Variants in VPS13C observed in about 807,000 individuals in gnomAD.
VPS13C encodes vacuolar protein sorting 13 homolog C, also known as intermembrane lipid transfer protein VPS13C.
A neutral mutation model predicts 456.8 loss-of-function variants in VPS13C; 358 were observed. The observed-to-expected ratio is 0.78, with a 90% CI of 0.72 to 0.86. The LOEUF (loss-of-function observed/expected upper bound fraction) is 0.86, where lower values mean the gene tolerates loss of function less well. Ranked by LOEUF, VPS13C falls within the 40% of genes least tolerant of loss-of-function variation. VPS13C has a pLI of 0.00. For synonymous variants in VPS13C, 1,578 were observed against 1,486.7 expected (o/e 1.06, Z -1.41); for missense variants, 4,818 against 4,385.4 (o/e 1.10, Z -2.79).
Position 61,854,551 on chromosome 15 carries a change from C to T in VPS13C, c.11168G>A (p.Cys3723Tyr). ...LKDTATAERA[C>Y]NAIEDAQSTR... is the part of the protein sequence containing the mutation. ...TGACTGTGCATCCTCAATGGCATTACATGCTCTCTGTAAAGTAAAATACTT... is the reference window on the plus strand; with the variant it reads ...TGACTGTGCATCCTCAATGGCATTATATGCTCTCTGTAAAGTAAAATACTT... Residue 3723 changes from cysteine to tyrosine, a missense_variant, in exon 85 of 85, where the codon TGT (cysteine) becomes TAT (tyrosine). By Grantham distance (194) the Cys-to-Tyr change is radical. This residue lies in a region of VPS13C where 261 missense variants were observed against 234.1 expected (regional missense o/e 1.11). Transcript: ENST00000644861. 6.2e-7 allele frequency: 1 copy of T among 1,613,998 alleles called. No homozygotes were observed. The highest frequency in any genetic ancestry group is 8.5e-7 in the Non-Finnish European group (1 of 1,179,884).
chr15:61,983,857 A>G lies in VPS13C; in HGVS notation c.1877T>C (p.Ile626Thr), dbSNP rs1219155285. Reference protein sequence around the residue: ...PEDSPADQTLIVQSQPVEVIY... With the variant: ...PEDSPADQTLTVQSQPVEVIY... ...GACCTCCACAGGCTGGGACTGAACA[A>G]TCAGAGTCTGGTCAGCAGGACTATC... Residue 626 changes from isoleucine to threonine, a missense_variant, in exon 20 of 85, where the codon ATT becomes ACT. Transcript: ENST00000644861. 1.9e-6 allele frequency: 3 copies of G among 1,614,148 alleles called. No homozygotes were observed. Among genetic ancestry groups the G allele is most frequent in the Non-Finnish European group, 2.5e-6 (3 of 1,179,998 alleles).
intron 50 of VPS13C, among the ~76,000 whole-genome samples, 165 bp from the exon 51 acceptor site, chr15:61,929,913 G>T (rs2043998851): frequency 6.6e-6 from 1 of 152,060 alleles, no homozygotes; most frequent in Non-Finnish European, 1.5e-5. Flanking sequence ...TAGTAAACAA[G>T]ACTACTAATC....
At chr15:61,972,591 G>T (rs111446948) in intron 27 of VPS13C, 34 bp downstream of exon 27, 1 of 1,603,572 alleles carries the variant, frequency 6.2e-7, no homozygotes, top group Non-Finnish European at 8.5e-7. Flanking sequence ...GTGACAGCCA[G>T]AATATATCTA....
chr15:62,028,463 T>G (rs1163455157), intron 5 of VPS13C, 43 bp from the exon 6 acceptor site: 1 of 1,572,846 alleles, frequency 6.4e-7, no homozygotes. Context: ...CAAAGCAATT[T>G]AAAGACACCT....
chr15:62,018,089 T>C (rs1441937132), intron 9 of VPS13C, among the ~76,000 whole-genome samples: 1 of 152,178 alleles, frequency 6.6e-6, no homozygotes, highest in Non-Finnish European at 1.5e-5. Context: ...TCTCCGTTTG[T>C]CTGTTATTGG....
In VPS13C at chr15:61,934,219, C is replaced by A; in HGVS notation, c.5868G>T (p.Gln1956His). The change falls in exon 49 of 85, where the codon CAG becomes CAT. Residue 1956 changes from glutamine (Q) to histidine (H), a missense_variant and splice_region_variant. Around this residue, in one of 3 missense-constraint regions of VPS13C, gnomAD observed 4,552 missense variants for 4,130.6 expected, o/e 1.10. Coordinates refer to ENST00000644861, the MANE Select transcript of VPS13C (RefSeq NM_020821.3). ...CTAATTACAGAAATGTATTACATACCTGGTTGATATCATTGTTATAAAGGA... is the reference window on the plus strand; with the variant it reads ...CTAATTACAGAAATGTATTACATACATGGTTGATATCATTGTTATAAAGGA... ...SIILYNNDIN[Q>H]ESGVAFHNDS... 1 of 1,554,294 alleles carries A rather than the reference C, an allele frequency of 6.4e-7. No individual in the cohort carries two copies. The highest frequency in any genetic ancestry group is 1.2e-5 in the South Asian group (1 of 81,944).
At chr15:61,994,457 G>A (rs934020285) in intron 16 of VPS13C, among the ~76,000 whole-genome samples, 1 of 152,176 alleles carries the variant, frequency 6.6e-6, no homozygotes, top group Admixed American at 6.5e-5. Flanking sequence ...GAATTTGCCT[G>A]TGAGAAAATA....
intron 23 of VPS13C, 63 bp from the exon 24 acceptor site, chr15:61,977,262 A>G: frequency 2.1e-6 from 2 of 965,020 alleles, no homozygotes; most frequent in Non-Finnish European, 2.9e-6. Context: ...ACATGGATAA[A>G]TATTATTTTT....
intron 27 of VPS13C, among the ~76,000 whole-genome samples, chr15:61,970,197 T>C (rs749167470): frequency 1.3e-5 from 2 of 152,064 alleles, no homozygotes; most frequent in South Asian, 2.1e-4. Context: ...TCCCAGCCAA[T>C]AGCCAGTATC....
chr15:62,030,756 C>G (rs572777575), intron 5 of VPS13C, among the ~76,000 whole-genome samples: 1 of 151,892 alleles, frequency 6.6e-6, no homozygotes, highest in Non-Finnish European at 1.5e-5. Flanking sequence ...ACTACCATAA[C>G]AGGAAGTCCT....
chr15:61,912,273 T>C (rs1220677085), intron 62 of VPS13C, among the ~76,000 whole-genome samples: 1 of 152,218 alleles, frequency 6.6e-6, no homozygotes, highest in Non-Finnish European at 1.5e-5. Context: ...TAGCATTCTT[T>C]ACTTTTTAAA....
chr15:61,894,802 C>T (rs1204894079), intron 66 of VPS13C, among the ~76,000 whole-genome samples: 2 of 152,080 alleles, frequency 1.3e-5, no homozygotes, highest in African/African-American at 2.4e-5. Context: ...GACCTCAACA[C>T]CCCCACTCTC....
At chr15:61,977,264 A>G (rs1596410073) in intron 23 of VPS13C, 65 bp from the exon 24 acceptor site, 4 of 918,708 alleles carry the variant, frequency 4.4e-6, no homozygotes, top group Non-Finnish European at 6.3e-6. Context: ...ATGGATAAAT[A>G]TTATTTTTAA....
In VPS13C at chr15:61,915,767, G is replaced by T. The variant is rs201717998; in HGVS notation, c.8311C>A (p.Pro2771Thr). The change falls in exon 61 of 85, where the codon CCC becomes ACC. Residue 2771 changes from proline to threonine, a missense_variant. Pro to Thr is a conservative substitution (Grantham distance 38). Transcript: ENST00000644861. ...GTAGTCTTGTTGATTAACCAATAGG[G>T]ACTAAAGACAGACAGCACCATCCGG... The part of the protein sequence containing the change: ...GSRMVLSVFS[P>T]YWLINKTTRV... The T allele has an allele frequency of 5.9e-5, 96 of 1,614,094 alleles. No individual in the cohort carries two copies. Among genetic ancestry groups the T allele is most frequent in the Middle Eastern group, 3.3e-4 (2 of 6,062 alleles).
intron 21 of VPS13C, 100 bp from the exon 22 acceptor site, chr15:61,981,578 A>T (rs1378941952): frequency 2.3e-6 from 3 of 1,296,658 alleles, no homozygotes; most frequent in Non-Finnish European, 3.0e-6. Flanking sequence ...AAAGTATTAC[A>T]GGTCGGGTGC....
chr15:61,969,192 C>A, intron 28 of VPS13C, 107 bp downstream of exon 28: 1 of 809,522 alleles, frequency 1.2e-6, no homozygotes, highest in South Asian at 2.0e-5. Context: ...GTGCTTACAA[C>A]AGTGTAGCTA....
chr15:61,854,782 T>G, intron 84 of VPS13C, 89 bp downstream of exon 84: 1 of 1,232,004 alleles, frequency 8.1e-7, no homozygotes, highest in Non-Finnish European at 1.1e-6. Flanking sequence ...TGGGAGAGCT[T>G]TGGGAGAAAT....
intron 60 of VPS13C, 49 bp from the exon 61 acceptor site, chr15:61,916,071 T>A: frequency 6.6e-7 from 1 of 1,506,490 alleles, no homozygotes. Flanking sequence ...AACTCTGAAA[T>A]AACAAAATTC....
chr15:61,923,526 C>T (rs1270418253), intron 53 of VPS13C, among the ~76,000 whole-genome samples: 4 of 152,002 alleles, frequency 2.6e-5, no homozygotes, highest in African/African-American at 9.7e-5. Flanking sequence ...TTTTATCCCA[C>T]AAGATAAAAT....
Sources: allele counts gnomAD v4.1 joint callset (sites outside exome capture counted in the v4.1 genomes callset), GRCh38; gene constraint gnomAD v4.1.1; regional missense constraint gnomAD v4.1.1; transcripts MANE v1.5; gene names NCBI Gene and HGNC (gene_info 2026-07-23, HGNC 2026-07-21).